The following CTXND2 variants were observed in gnomAD, a reference collection of about 807,000 sequenced individuals.
The protein encoded by CTXND2 is cortexin domain containing 2.
At chr1:150,912,790 C>A (rs1468852478) in exon 2 of CTXND2, 1 of 210,504 alleles carries the variant, frequency 4.8e-6, no homozygotes, top group African/African-American at 2.3e-5. Flanking sequence ...TGGTAAGGTC[C>A]ACCTGAAACT....
At chr1:150,896,821 C>A (rs1668919056) in intron 1 of CTXND2, among the ~76,000 whole-genome samples, 1 of 152,064 alleles carries the variant, frequency 6.6e-6, no homozygotes, top group Admixed American at 6.6e-5. Context: ...CTATATGATC[C>A]CTACTCTCAT....
exon 1 of CTXND2, chr1:150,887,158 G>A (rs1668785316): frequency 1.3e-5 from 2 of 152,342 alleles, no homozygotes; most frequent in Admixed American, 6.6e-5. Context: ...AAGCTTCTGA[G>A]TTCAGCGTGG....
At chr1:150,887,446 TTTATTATTATTA>T (rs138336125) in intron 1 of CTXND2, 133 bp downstream of exon 1, 3 of 150,500 alleles carry the variant, frequency 2.0e-5, no homozygotes, top group South Asian at 2.1e-4. Flanking sequence ...AGTAAAGAGC[TTTATTATTATTA>T]TTATTATTAT....
chr1:150,900,039 G>A (rs1258351898), intron 1 of CTXND2, among the ~76,000 whole-genome samples: 1 of 152,112 alleles, frequency 6.6e-6, no homozygotes, highest in Non-Finnish European at 1.5e-5. Context: ...CAGGACACGG[G>A]CAGGGCCAAA....
chr1:150,892,652 C>T (rs1365264129), intron 1 of CTXND2, among the ~76,000 whole-genome samples: 1 of 151,900 alleles, frequency 6.6e-6, no homozygotes, highest in South Asian at 2.1e-4. Context: ...GATCCTCCCA[C>T]CGCAGCCTCC....
At chr1:150,906,793 T>C (rs1669153870) in intron 1 of CTXND2, among the ~76,000 whole-genome samples, 1 of 152,090 alleles carries the variant, frequency 6.6e-6, no homozygotes, top group Non-Finnish European at 1.5e-5. Context: ...GCAGGAGCAG[T>C]GGGAGGTGCC....
chr1:150,910,138 T>C (rs587680192), intron 1 of CTXND2, among the ~76,000 whole-genome samples: 103 of 148,024 alleles, frequency 7.0e-4, no homozygotes, highest in East Asian at 1.9e-3. Context: ...TTTTTCTTTT[T>C]TTTTTTTTTT....
At chr1:150,912,341 T>C in exon 2 of CTXND2, 1 of 398,458 alleles carries the variant, frequency 2.5e-6, no homozygotes, top group Non-Finnish European at 4.4e-6. Context: ...TGTCCAGTGG[T>C]GTTGATGTGG....
At chr1:150,911,043 A>T (rs1348956988) in intron 1 of CTXND2, among the ~76,000 whole-genome samples, 3 of 151,758 alleles carry the variant, frequency 2.0e-5, no homozygotes, top group Non-Finnish European at 4.4e-5. Flanking sequence ...TGACCTCATA[A>T]TCCGCCTGCC....
At chr1:150,906,159 TATG>T (rs1669142494) in intron 1 of CTXND2, among the ~76,000 whole-genome samples, 1 of 151,122 alleles carries the variant, frequency 6.6e-6, no homozygotes. Context: ...ATCAGCCAAG[TATG>T]GTGGTGGGCA....
At chr1:150,888,017 C>T (rs902988198) in intron 1 of CTXND2, among the ~76,000 whole-genome samples, 1 of 151,730 alleles carries the variant, frequency 6.6e-6, no homozygotes, top group Admixed American at 6.6e-5. Context: ...TACTATAATC[C>T]CAAGAAGTGC....
chr1:150,901,932 A>T (rs967340243), intron 1 of CTXND2, among the ~76,000 whole-genome samples: 3 of 151,904 alleles, frequency 2.0e-5, no homozygotes, highest in African/African-American at 4.8e-5. Flanking sequence ...TCTAAAAAAA[A>T]AAAAATAAAT....
chr1:150,902,133 G>A (rs1427209490), intron 1 of CTXND2, among the ~76,000 whole-genome samples: 1 of 151,934 alleles, frequency 6.6e-6, no homozygotes, highest in African/African-American at 2.4e-5. Context: ...TGGGCGCCGT[G>A]GCTCACGCCT....
chr1:150,907,704 C>CTT (rs34842844), intron 1 of CTXND2, among the ~76,000 whole-genome samples: 76 of 71,458 alleles, frequency 1.1e-3, no homozygotes, highest in African/African-American at 2.3e-3. Context: ...CATATGGTGG[C>CTT]TTTTTTTTTT....
At chr1:150,898,473 A>G (rs1557999472) in intron 1 of CTXND2, among the ~76,000 whole-genome samples, 1 of 151,834 alleles carries the variant, frequency 6.6e-6, no homozygotes, top group Non-Finnish European at 1.5e-5. Flanking sequence ...AATCCCCCTT[A>G]CTGGCCGGGC....
At chr1:150,908,454 A>G (rs1669191329) in intron 1 of CTXND2, among the ~76,000 whole-genome samples, 1 of 152,134 alleles carries the variant, frequency 6.6e-6, no homozygotes, top group Admixed American at 6.6e-5. Flanking sequence ...TAGTCATCCT[A>G]GTGGGTGTGA....
intron 1 of CTXND2, among the ~76,000 whole-genome samples, chr1:150,900,710 T>C (rs750878025): frequency 1.3e-5 from 2 of 151,984 alleles, no homozygotes; most frequent in South Asian, 2.1e-4. Flanking sequence ...ATATTATATA[T>C]GAAGGGGTAA....
chr1:150,892,774 G>A (rs1054576534), intron 1 of CTXND2, among the ~76,000 whole-genome samples: 7 of 151,978 alleles, frequency 4.6e-5, no homozygotes, highest in East Asian at 1.9e-4. Flanking sequence ...CCTGACCTCA[G>A]GAGATCTGTC....
At chr1:150,892,490 C>A (rs2102594160) in intron 1 of CTXND2, among the ~76,000 whole-genome samples, 1 of 151,618 alleles carries the variant, frequency 6.6e-6, no homozygotes, top group Non-Finnish European at 1.5e-5. Flanking sequence ...ATCTCTCTAC[C>A]CTATTCTTTT....
Sources: gnomAD v4.1 joint callset for allele counts (sites outside exome capture counted in the v4.1 genomes callset) on GRCh38, gnomAD v4.1.1 for gene constraint, MANE v1.5 for transcripts, NCBI Gene and HGNC (gene_info 2026-07-23, HGNC 2026-07-21) for gene names.